The following ARHGEF28 variants were observed in gnomAD, a reference collection of about 807,000 sequenced individuals.
The protein encoded by ARHGEF28 is Rho guanine nucleotide exchange factor 28, also known as 190 kDa guanine nucleotide exchange factor.
Under a neutral mutation model 206.6 loss-of-function variants are expected in ARHGEF28, and 152 were observed. That is an observed-to-expected ratio of 0.74 (90% CI 0.64 to 0.84). The LOEUF is 0.84. Among genes scored for constraint, ARHGEF28 ranks in the 40% least tolerant of loss-of-function variants. ARHGEF28 has a pLI of 0.00. For synonymous variants in ARHGEF28, 763 were observed against 776.4 expected (o/e 0.98, Z 0.29); for missense variants, 2,028 against 2,073.2 (o/e 0.98, Z 0.42).
At chr5:73,893,109 C>G in intron 27 of ARHGEF28, 88 bp from the exon 28 acceptor site, 1 of 1,099,672 alleles carries the variant, frequency 9.1e-7, no homozygotes, top group Non-Finnish European at 1.2e-6. Flanking sequence ...ATGAATAAAT[C>G]TATTGCCAAG....
chr5:73,656,501 A>G (rs1230625870), intron 1 of ARHGEF28, among the ~76,000 whole-genome samples: 1 of 152,118 alleles, frequency 6.6e-6, no homozygotes, highest in Admixed American at 6.5e-5. Flanking sequence ...AGGAAATCCT[A>G]TTGGCTCTCC....
intron 1 of ARHGEF28, among the ~76,000 whole-genome samples, chr5:73,680,890 A>G (rs1320903899): frequency 1.3e-5 from 2 of 151,790 alleles, no homozygotes; most frequent in Non-Finnish European, 2.9e-5. Context: ...TTCTTTAGAG[A>G]TGGAGTTTTG....
At chr5:73,874,063 A>G (rs974903607) in intron 22 of ARHGEF28, among the ~76,000 whole-genome samples, 1 of 152,176 alleles carries the variant, frequency 6.6e-6, no homozygotes, top group South Asian at 2.1e-4. Flanking sequence ...AATTTTGGCT[A>G]TTTTAAGAGG....
At chr5:73,748,730 CAAAGTGGGCGA>C (rs1241454725) in intron 2 of ARHGEF28, among the ~76,000 whole-genome samples, 1 of 152,142 alleles carries the variant, frequency 6.6e-6, no homozygotes, top group Non-Finnish European at 1.5e-5. Flanking sequence ...GGAAGCCCTC[CAAAGTGGGCGA>C]CCCTTTCCAC....
chr5:73,702,858 A>T (rs1175760628), intron 2 of ARHGEF28, among the ~76,000 whole-genome samples: 1 of 152,204 alleles, frequency 6.6e-6, no homozygotes, highest in Non-Finnish European at 1.5e-5. Context: ...ACCAATCTTC[A>T]TCCTCCCTCA....
intron 4 of ARHGEF28, among the ~76,000 whole-genome samples, chr5:73,767,343 G>A (rs1057417939): frequency 6.6e-6 from 1 of 152,104 alleles, no homozygotes; most frequent in Non-Finnish European, 1.5e-5. Context: ...CAATTTGGAG[G>A]GCTCAGAAGA....
At chr5:73,767,261 T>A (rs1752946714) in intron 4 of ARHGEF28, among the ~76,000 whole-genome samples, 1 of 151,688 alleles carries the variant, frequency 6.6e-6, no homozygotes, top group Non-Finnish European at 1.5e-5. Flanking sequence ...ACCACTAGAG[T>A]GGGGTGCTGC....
chr5:73,829,731 A>G (rs1228445799), intron 9 of ARHGEF28, among the ~76,000 whole-genome samples: 1 of 152,102 alleles, frequency 6.6e-6, no homozygotes, highest in Non-Finnish European at 1.5e-5. Flanking sequence ...TACAGTGGGG[A>G]TAAGATTTTT....
chr5:73,759,788 A>T (rs1252135827), intron 4 of ARHGEF28, among the ~76,000 whole-genome samples: 17 of 152,178 alleles, frequency 1.1e-4, no homozygotes. Flanking sequence ...AAAAGAGTGG[A>T]TGGGAACTAC....
intron 11 of ARHGEF28, among the ~76,000 whole-genome samples, chr5:73,844,784 A>AC (rs70973276): frequency 6.7e-6 from 1 of 148,224 alleles, no homozygotes; most frequent in Non-Finnish European, 1.5e-5. Context: ...AAAAAAAAAA[A>AC]CCACAAAACA....
At chr5:73,882,033 A>AT (rs1200307980) in intron 22 of ARHGEF28, among the ~76,000 whole-genome samples, 5 of 151,744 alleles carry the variant, frequency 3.3e-5, no homozygotes, top group Middle Eastern at 3.4e-3. Context: ...CAAATGGGTG[A>AT]TTTTTTTGGG....
intron 35 of ARHGEF28, chr5:73,923,005 GA>G: frequency 7.6e-7 from 1 of 1,314,468 alleles, no homozygotes; most frequent in Non-Finnish European, 1.0e-6. Flanking sequence ...AAATTGGAGG[GA>G]AAAAACACAA....
At chr5:73,718,787 A>G (rs1409988513) in intron 2 of ARHGEF28, among the ~76,000 whole-genome samples, 1 of 152,006 alleles carries the variant, frequency 6.6e-6, no homozygotes, top group African/African-American at 2.4e-5. Context: ...GCCTGTTGCC[A>G]CTCAACTCAC....
chr5:73,740,253 G>A (rs1020305274), intron 2 of ARHGEF28, among the ~76,000 whole-genome samples: 2 of 151,578 alleles, frequency 1.3e-5, no homozygotes, highest in African/African-American at 4.9e-5. Context: ...GTTATGTTAG[G>A]TCCCCCATTT....
chr5:73,901,059 A>G, intron 30 of ARHGEF28, 125 bp from the exon 31 acceptor site: 1 of 711,294 alleles, frequency 1.4e-6, no homozygotes, highest in South Asian at 1.7e-5. Flanking sequence ...AAGAATACTC[A>G]ATATGTATTA....
At chr5:73,845,986 C>CAAAAAAAAAAAAAAAAAAAAAAAAAAAG in intron 11 of ARHGEF28, among the ~76,000 whole-genome samples, 1 of 63,736 alleles carries the variant, frequency 1.6e-5, no homozygotes, top group Non-Finnish European at 3.4e-5. Context: ...AAAACTGTCT[C>CAAAAAAAAAAAAAAAAAAAAAAAAAAAG]AAAAAAAAAA....
At chr5:73,686,736 A>C (rs1747502072) in intron 2 of ARHGEF28, among the ~76,000 whole-genome samples, 2 of 151,706 alleles carry the variant, frequency 1.3e-5, no homozygotes, top group African/African-American at 2.4e-5. Context: ...GTTAGCCAGG[A>C]TGGTCTCGAT....
chr5:73,779,718 T>C (rs1426959483), intron 6 of ARHGEF28, among the ~76,000 whole-genome samples: 1 of 152,096 alleles, frequency 6.6e-6, no homozygotes, highest in East Asian at 1.9e-4. Flanking sequence ...GTCCAGCCAC[T>C]CATTCCATGG....
intron 35 of ARHGEF28, among the ~76,000 whole-genome samples, chr5:73,929,245 G>A (rs1316512927): frequency 6.6e-6 from 1 of 152,052 alleles, no homozygotes; most frequent in East Asian, 1.9e-4. Context: ...AGAAAATCAG[G>A]AACTTATGCC....
Sources: gnomAD v4.1 joint callset for allele counts (sites outside exome capture counted in the v4.1 genomes callset) on GRCh38, gnomAD v4.1.1 for gene constraint, MANE v1.5 for transcripts, NCBI Gene and HGNC (gene_info 2026-07-23, HGNC 2026-07-21) for gene names.